Variants in TENM2 observed in about 807,000 individuals in gnomAD.
TENM2 encodes teneurin-2.
TENM2 carries 52 observed loss-of-function variants against 245.2 expected under a neutral mutation model. The ratio of observed to expected loss-of-function variants is 0.21; its 90% CI spans 0.17 to 0.27. TENM2 has a LOEUF of 0.27. Among genes scored for constraint, TENM2 ranks in the 10% least tolerant of loss-of-function variants. TENM2 has a pLI of 1.00. For synonymous variants in TENM2, 1,363 were observed against 1,438.9 expected, an observed-to-expected ratio of 0.95 and a Z score of 1.19; for missense variants, 3,046 against 3,666.8, an observed-to-expected ratio of 0.83 and a Z score of 4.37.
intron 5 of TENM2, among the ~76,000 whole-genome samples, chr5:167,996,290 TG>T (rs1206202410): frequency 6.6e-6 from 1 of 151,904 alleles, no homozygotes; most frequent in Admixed American, 6.6e-5. Context: ...CCCACACAGC[TG>T]GGGTCAGAGA....
the TENM2 span, among the ~76,000 whole-genome samples, chr5:167,031,765 A>T: frequency 6.6e-6 from 1 of 151,970 alleles, no homozygotes; most frequent in Non-Finnish European, 1.5e-5. Flanking sequence ...GGGTTTCTCC[A>T]TATCAGTCGG....
At chr5:168,146,984 G>A (rs1281955437) in intron 12 of TENM2, among the ~76,000 whole-genome samples, 5 of 152,204 alleles carry the variant, frequency 3.3e-5, no homozygotes, top group Non-Finnish European at 7.3e-5. Flanking sequence ...CCTTGGTGAT[G>A]GAGGACAATT....
chr5:167,997,440 A>T (rs1190546241), intron 5 of TENM2, among the ~76,000 whole-genome samples: 1 of 152,212 alleles, frequency 6.6e-6, no homozygotes, highest in Non-Finnish European at 1.5e-5. Flanking sequence ...GCCCCTCCGC[A>T]GTATTATAAT....
intron 1 of TENM2, among the ~76,000 whole-genome samples, chr5:167,308,674 C>T (rs1017158288): frequency 6.6e-6 from 1 of 152,170 alleles, no homozygotes. Flanking sequence ...TTCTGCTTAT[C>T]ACTTGGCTGG....
intron 5 of TENM2, among the ~76,000 whole-genome samples, chr5:168,009,410 G>A (rs189400607): frequency 4.6e-5 from 7 of 152,148 alleles, no homozygotes; most frequent in East Asian, 3.9e-4. Context: ...CTGACTTACC[G>A]TACCAGGCTG....
the TENM2 span, among the ~76,000 whole-genome samples, chr5:167,178,668 G>A: frequency 1.3e-5 from 2 of 151,286 alleles, no homozygotes; most frequent in Admixed American, 6.6e-5. Context: ...TAACTTGAAC[G>A]TGAACTTAAA....
chr5:167,802,183 C>T (rs1028668502), intron 2 of TENM2, among the ~76,000 whole-genome samples: 6 of 152,214 alleles, frequency 3.9e-5, no homozygotes, highest in Non-Finnish European at 7.4e-5. Flanking sequence ...AAAGGCCCCA[C>T]CTCTCAATAC....
At chr5:167,876,114 G>A (rs1162881051) in exon 3 of TENM2, 1 of 1,551,422 alleles carries the variant, frequency 6.4e-7, no homozygotes, top group East Asian at 2.4e-5. Flanking sequence ...TCAAATCATG[G>A]ACACCAACCC....
the TENM2 span, among the ~76,000 whole-genome samples, chr5:167,018,516 T>C: frequency 6.6e-6 from 1 of 152,178 alleles, no homozygotes; most frequent in East Asian, 1.9e-4. Context: ...ATTCCTTTGC[T>C]TCTGCTAAGA....
At chr5:167,330,568 AC>A (rs1757380296) in intron 1 of TENM2, among the ~76,000 whole-genome samples, 1 of 152,102 alleles carries the variant, frequency 6.6e-6, no homozygotes, top group South Asian at 2.1e-4. Context: ...TCAAGCAGAG[AC>A]TGGGCACTCA....
intron 3 of TENM2, among the ~76,000 whole-genome samples, chr5:167,921,844 G>A (rs1194045854): frequency 6.6e-6 from 1 of 152,152 alleles, no homozygotes; most frequent in Non-Finnish European, 1.5e-5. Context: ...AGACAGCCCT[G>A]TGGGAATACT....
the TENM2 span, among the ~76,000 whole-genome samples, chr5:167,221,673 G>A: frequency 7.1e-4 from 108 of 152,306 alleles, no homozygotes; most frequent in Admixed American, 2.5e-3. Context: ...GCAACACATT[G>A]AAATATAGTA....
chr5:167,657,600 C>A (rs1754932904), intron 2 of TENM2, among the ~76,000 whole-genome samples: 1 of 152,132 alleles, frequency 6.6e-6, no homozygotes, highest in South Asian at 2.1e-4. Flanking sequence ...AAGCTTAATA[C>A]AATGTCATTT....
the TENM2 span, among the ~76,000 whole-genome samples, chr5:167,028,636 T>C: frequency 1.3e-5 from 2 of 152,096 alleles, no homozygotes; most frequent in Admixed American, 1.3e-4. Context: ...ATATACAGCA[T>C]ATGTAAATGA....
chr5:167,452,945 A>ATTT (rs1236641047), intron 2 of TENM2, among the ~76,000 whole-genome samples: 74 of 6,298 alleles, frequency 0.012, 2 homozygotes, highest in South Asian at 0.085. Flanking sequence ...ATATATATAT[A>ATTT]TATATATATA....
intron 2 of TENM2, among the ~76,000 whole-genome samples, chr5:167,470,454 C>CTGTTTTTTTTTTTTTT (rs1766939931): frequency 2.1e-5 from 1 of 47,394 alleles, no homozygotes; most frequent in Non-Finnish European, 3.6e-5. Context: ...GCAATGCTTG[C>CTGTTTTTTTTTTTTTT]TTTTTTTTTT....
chr5:168,003,855 C>T (rs1195090708), intron 5 of TENM2, among the ~76,000 whole-genome samples: 1 of 152,134 alleles, frequency 6.6e-6, no homozygotes, highest in East Asian at 1.9e-4. Context: ...TGTCTAATGT[C>T]GAACATCAAT....
intron 2 of TENM2, among the ~76,000 whole-genome samples, chr5:167,447,180 C>A (rs1166271116): frequency 6.6e-6 from 1 of 152,128 alleles, no homozygotes; most frequent in Non-Finnish European, 1.5e-5. Context: ...GCCTCAGAGC[C>A]TCCCTCAGCC....
chr5:167,952,010 T>G (rs1440796138), intron 3 of TENM2, among the ~76,000 whole-genome samples: 6 of 152,184 alleles, frequency 3.9e-5, no homozygotes, highest in Admixed American at 3.3e-4. Flanking sequence ...CCTTGAGCTC[T>G]CTCCCTCATT....
Sources: gnomAD v4.1 joint callset for allele counts (sites outside exome capture counted in the v4.1 genomes callset) on GRCh38, gnomAD v4.1.1 for gene constraint, MANE v1.5 for transcripts, NCBI Gene and HGNC (gene_info 2026-07-23, HGNC 2026-07-21) for gene names.